Variants in ADAMTS18 observed in about 807,000 individuals in gnomAD.
The protein encoded by ADAMTS18 is A disintegrin and metalloproteinase with thrombospondin motifs 18.
A neutral mutation model predicts 165.9 loss-of-function variants in ADAMTS18; 157 were observed. The observed-to-expected ratio is 0.95, with a 90% CI of 0.83 to 1.08. The LOEUF (loss-of-function observed/expected upper bound fraction) is 1.08. Ranked by LOEUF, ADAMTS18 falls within the 50% of genes least tolerant of loss-of-function variation. The probability of loss-of-function intolerance (pLI) is 0.00; values close to 1 mark genes in which losing one functional copy is unlikely to be tolerated. For missense variants in ADAMTS18, 2,040 were observed against 1,534.0 expected (o/e 1.33, Z -5.51); for synonymous variants, 782 against 578.2 (o/e 1.35, Z -5.06).
Position 77,434,477 on chromosome 16 carries a change from G to A in ADAMTS18, c.119C>T (p.Ala40Val), listed in dbSNP as rs1398969792. 8.3e-6 allele frequency: 13 copies of A among 1,568,814 alleles called. No homozygotes were observed. The highest frequency in any genetic ancestry group is 1.1e-5 in the Non-Finnish European group (13 of 1,162,084). ...ACTGGCTAAGGCCGCGGCGACCGAC[G>A]CACAGCAGAGGCAGCACAGCTGGAG... ...KALQLCCLCC[A>V]SVAAALASDS... Residue 40 changes from alanine (A) to valine (V), a missense_variant, in exon 2 of 23, where the codon GCG (alanine) becomes GTG (valine). Coordinates refer to ENST00000282849, the MANE Select transcript of ADAMTS18 (RefSeq NM_199355.4).
At chr16:77,284,109 T>C in intron 22 of ADAMTS18, 38 bp from the exon 23 acceptor site, 1 of 1,405,646 alleles carries the variant, frequency 7.1e-7, no homozygotes, top group Non-Finnish European at 1.0e-6. Context: ...TTGGCTAGGG[T>C]GTCTATCCTT....
chr16:77,368,802 G>T (rs944443955), intron 3 of ADAMTS18, among the ~76,000 whole-genome samples: 2 of 152,204 alleles, frequency 1.3e-5, no homozygotes, highest in Middle Eastern at 3.4e-3. Context: ...TCTAAGTGGG[G>T]GTCTAGAGAA....
rs192989048 is a variant in ADAMTS18, at chr16:77,361,294, T to C, written c.1216+811A>G. On this transcript the variant is annotated intron_variant, in intron 7 of 22. Coordinates refer to ENST00000282849, the MANE Select transcript of ADAMTS18 (RefSeq NM_199355.4). ...GATTTAGACAGCCATCCATCAACTT[T>C]TAAAAAATGTTGAATTCCTATTATG... 6.2e-4 allele frequency among the ~76,000 whole-genome samples: 95 copies of C among 152,252 alleles called. 1 individual carries two copies. The highest frequency in any genetic ancestry group is 2.0e-3 in the African/African-American group (84 of 41,546).
intron 3 of ADAMTS18, among the ~76,000 whole-genome samples, chr16:77,400,547 T>C (rs2057317466): frequency 6.7e-6 from 1 of 149,822 alleles, no homozygotes; most frequent in Non-Finnish European, 1.5e-5. Context: ...AGTGGTGCAA[T>C]CTCAGCTCAC....
At chr16:77,357,152 A>G (rs2056643801) in intron 8 of ADAMTS18, among the ~76,000 whole-genome samples, 1 of 152,142 alleles carries the variant, frequency 6.6e-6, no homozygotes, top group Admixed American at 6.5e-5. Context: ...AATAAATGTT[A>G]TCCTGATATA....
In ADAMTS18 at chr16:77,434,662, G is replaced by C. The variant is rs767465346; in HGVS notation, c.34C>G (p.Pro12Ala). ...ECALLLACAF[P>A]AAGSGPPRGL... ...CTCGGCGGGCCCGAACCCGCAGCCGGGAAGGCACACGCGAGCAGGAGGGCG... is the reference window on the plus strand; with the variant it reads ...CTCGGCGGGCCCGAACCCGCAGCCGCGAAGGCACACGCGAGCAGGAGGGCG... The change falls in exon 1 of 23, where the codon CCG becomes GCG. Residue 12 changes from proline (P) to alanine (A), a missense_variant. Coordinates refer to ENST00000282849, the MANE Select transcript of ADAMTS18 (RefSeq NM_199355.4). 11 of 1,479,562 alleles carry C rather than the reference G, an allele frequency of 7.4e-6. No individual in the cohort carries two copies. The highest frequency in any genetic ancestry group is 8.9e-6 in the Non-Finnish European group (10 of 1,122,070). 91.7% of individuals were successfully genotyped at this position (1,479,562 alleles called of 1,614,324 possible).
intron 12 of ADAMTS18, among the ~76,000 whole-genome samples, chr16:77,331,463 G>T (rs1447615680): frequency 6.6e-6 from 1 of 152,004 alleles, no homozygotes; most frequent in Admixed American, 6.6e-5. Flanking sequence ...GCTTAAACCA[G>T]GAGATACTAA....
intron 8 of ADAMTS18, among the ~76,000 whole-genome samples, chr16:77,358,178 A>C (rs192361711): frequency 6.6e-6 from 1 of 152,180 alleles, no homozygotes; most frequent in East Asian, 1.9e-4. Context: ...TGTGTGTCTA[A>C]ATGTGTGTGT....
chr16:77,343,961 T>C (rs1165557976), intron 10 of ADAMTS18, among the ~76,000 whole-genome samples: 1 of 151,686 alleles, frequency 6.6e-6, no homozygotes, highest in Non-Finnish European at 1.5e-5. Flanking sequence ...GAAAATTCAA[T>C]GAACCAGGCA....
intron 12 of ADAMTS18, among the ~76,000 whole-genome samples, chr16:77,334,421 A>T (rs2056254116): frequency 8.9e-6 from 1 of 112,526 alleles, no homozygotes; most frequent in Admixed American, 1.1e-4. Context: ...TATATTATAT[A>T]GTATATATAC....
intron 3 of ADAMTS18, among the ~76,000 whole-genome samples, chr16:77,374,552 A>G (rs2056922632): frequency 6.6e-6 from 1 of 152,144 alleles, no homozygotes. Context: ...TCCCTCACAG[A>G]ATAGAAGGAA....
chr16:77,288,803 G>A (rs575338826), intron 22 of ADAMTS18, among the ~76,000 whole-genome samples: 5 of 152,192 alleles, frequency 3.3e-5, no homozygotes, highest in Non-Finnish European at 5.9e-5. Flanking sequence ...ATTCCCTTCA[G>A]ACCCATGCAA....
chr16:77,322,512 AG>A (rs760413031), intron 13 of ADAMTS18, 46 bp from the exon 14 acceptor site: 1 of 1,603,538 alleles, frequency 6.2e-7, no homozygotes, highest in East Asian at 2.2e-5. Context: ...GAGGAAACTA[AG>A]GAAAAATGAT....
rs573121072 is a variant in ADAMTS18 at position 77,306,479 on chromosome 16, C to T, written c.2533-6075G>A. On this transcript the variant is annotated intron_variant, in intron 16 of 22. Coordinates refer to ENST00000282849, the MANE Select transcript of ADAMTS18 (RefSeq NM_199355.4). ...GGTAAATGATTCTCTTTCTTTCGTC[C>T]CCACTTTTAATTTTTAATGTTAAAA... Among the ~76,000 whole-genome samples the T allele has an allele frequency of 1.2e-4, 19 of 152,188 alleles. No individual in the cohort carries two copies. In the East Asian group the frequency reaches 3.7e-3, roughly 29 times the overall value.
intron 16 of ADAMTS18, among the ~76,000 whole-genome samples, chr16:77,301,325 G>T (rs769319411): frequency 1.3e-5 from 2 of 150,644 alleles, no homozygotes; most frequent in Non-Finnish European, 3.0e-5. Context: ...GATCACACAA[G>T]TGACTAGGGA....
chr16:77,387,401 C>A (rs575082839), intron 3 of ADAMTS18, among the ~76,000 whole-genome samples: 1 of 152,194 alleles, frequency 6.6e-6, no homozygotes, highest in African/African-American at 2.4e-5. Flanking sequence ...ATTTCATAAA[C>A]CAAATATGTC....
At chr16:77,375,955 C>G (rs9926018) in intron 3 of ADAMTS18, among the ~76,000 whole-genome samples, 112,796 of 142,284 alleles carry the variant, frequency 0.79, 44,437 homozygotes, top group East Asian at 0.9. Context: ...CCAGTTTGGA[C>G]TGCAATGGCA....
At position 77,295,005 on chromosome 16, in the gene ADAMTS18, C is replaced by A. The variant is rs2055439875; in HGVS notation, c.2924G>T (p.Cys975Phe). ...GACCTGAGTGGGTGTGCTCACTGGA[C>A]AGAGAGAATGCAACACTGCTTCCTC... ...QKEEAVLHSL[C>F]PVSTPTQVQA... The change falls in exon 19 of 23, where the codon TGT becomes TTT. Residue 975 changes from cysteine (C) to phenylalanine (F), a missense_variant. Physicochemically the swap from Cys to Phe is radical, Grantham distance 205. Coordinates refer to ENST00000282849, the MANE Select transcript of ADAMTS18 (RefSeq NM_199355.4). 3 of 1,614,122 alleles carry A rather than the reference C, an allele frequency of 1.9e-6. No homozygotes were observed. The highest frequency in any genetic ancestry group is 2.5e-6 in the Non-Finnish European group (3 of 1,180,032).
At chr16:77,400,761 G>A (rs949513696) in intron 3 of ADAMTS18, among the ~76,000 whole-genome samples, 1 of 151,394 alleles carries the variant, frequency 6.6e-6, no homozygotes, top group African/African-American at 2.4e-5. Context: ...GAGCCACCAC[G>A]CCTGGCCTCT....
Sources: gnomAD v4.1 joint callset for allele counts (sites outside exome capture counted in the v4.1 genomes callset) on GRCh38, gnomAD v4.1.1 for gene constraint, MANE v1.5 for transcripts, NCBI Gene and HGNC (gene_info 2026-07-23, HGNC 2026-07-21) for gene names.